The following EPC1 variants were observed in gnomAD, a reference collection of about 807,000 sequenced individuals.
The protein encoded by EPC1 is enhancer of polycomb homolog 1.
In EPC1, 12 loss-of-function variants were observed where a neutral mutation model predicts 98.4. That is an observed-to-expected ratio of 0.12 (90% CI 0.08 to 0.20). The LOEUF (loss-of-function observed/expected upper bound fraction) is 0.20, where lower values mean the gene tolerates loss of function less well. EPC1 is among the 10% of genes least tolerant of loss of function. EPC1 has a pLI of 1.00. For synonymous variants in EPC1, 357 were observed against 363.9 expected (o/e 0.98, Z 0.21); for missense variants, 729 against 990.5 (o/e 0.74, Z 3.54).
chr10:32,271,433 T>C (rs895239605), intron 13 of EPC1, 121 bp downstream of exon 13: 16 of 1,121,060 alleles, frequency 1.4e-5, no homozygotes, highest in South Asian at 9.2e-5. Context: ...TTCTCAACTA[T>C]ACATTTTCAA....
intron 3 of EPC1, 32 bp downstream of exon 3, chr10:32,293,560 T>G (rs1305115822): frequency 1.3e-6 from 2 of 1,597,256 alleles, no homozygotes; most frequent in Admixed American, 3.4e-5. Flanking sequence ...ATAGAATATG[T>G]ATATACTTGT....
rs773374163 is a variant in EPC1, at chr10:32,346,956, C to A, written c.-41G>T. On this transcript the variant is annotated 5_prime_UTR_variant, in exon 1 of 14. Coordinates refer to ENST00000319778, the MANE Select transcript of EPC1 (RefSeq NM_001272004.3). ...TACCTCTCCGCTCTGGGGAAACGGC[C>A]CCGGCCAGCGGGATCATGGAGAACC... 6.2e-7 allele frequency: 1 copy of A among 1,605,580 alleles called. No individual in the cohort carries two copies. Among genetic ancestry groups the A allele is most frequent in the Non-Finnish European group, 8.5e-7 (1 of 1,179,074 alleles).
intron 2 of EPC1, among the ~76,000 whole-genome samples, chr10:32,301,592 T>C (rs1239843230): frequency 3.9e-5 from 6 of 152,286 alleles, no homozygotes; most frequent in Admixed American, 2.6e-4. Flanking sequence ...CAGAAATCAA[T>C]TGAATAGAAT....
intron 1 of EPC1, among the ~76,000 whole-genome samples, chr10:32,335,767 C>A (rs547154401): frequency 6.6e-6 from 1 of 152,290 alleles, no homozygotes; most frequent in South Asian, 2.1e-4. Context: ...CTCGCCCACG[C>A]TGATCTTTTC....
intron 1 of EPC1, among the ~76,000 whole-genome samples, chr10:32,360,830 G>T (rs956912322): frequency 6.6e-6 from 1 of 151,264 alleles, no homozygotes; most frequent in South Asian, 2.1e-4. Context: ...GGAGGCGAAG[G>T]TTGCAGTGAG....
At chr10:32,295,143 T>C (rs1297942731) in intron 2 of EPC1, among the ~76,000 whole-genome samples, 1 of 152,168 alleles carries the variant, frequency 6.6e-6, no homozygotes, top group Non-Finnish European at 1.5e-5. Context: ...TATTAGAATG[T>C]GTGTGATCTC....
chr10:32,293,497 G>T, intron 3 of EPC1, 95 bp downstream of exon 3: 1 of 1,181,174 alleles, frequency 8.5e-7, no homozygotes, highest in Non-Finnish European at 1.2e-6. Context: ...AAGCCTGACT[G>T]ATTACCCCCA....
intron 1 of EPC1, among the ~76,000 whole-genome samples, chr10:32,343,826 T>C (rs1231168144): frequency 6.6e-6 from 1 of 152,216 alleles, no homozygotes; most frequent in African/African-American, 2.4e-5. Flanking sequence ...TTTCCCAATG[T>C]TAAAAGACCT....
chr10:32,328,840 G>A (rs926537317), intron 1 of EPC1, among the ~76,000 whole-genome samples: 6 of 152,158 alleles, frequency 3.9e-5, no homozygotes, highest in South Asian at 2.1e-4. Flanking sequence ...TTATTTCAAC[G>A]TATATTGGGT....
intron 10 of EPC1, chr10:32,282,044 G>A (rs1470521622): frequency 6.6e-6 from 1 of 151,882 alleles, no homozygotes; most frequent in Non-Finnish European, 1.5e-5. Context: ...TGGCTGCATT[G>A]TAATATACTT....
intron 1 of EPC1, chr10:32,374,345 A>G (rs1215836986): frequency 6.6e-6 from 1 of 152,164 alleles, no homozygotes; most frequent in Non-Finnish European, 1.5e-5. Context: ...CCGTGAACAA[A>G]ATGTGCAAAA....
chr10:32,316,085 CCCTCA>C (rs1169672464), intron 1 of EPC1, among the ~76,000 whole-genome samples: 1 of 152,154 alleles, frequency 6.6e-6, no homozygotes, highest in Non-Finnish European at 1.5e-5. Context: ...TCAGCCTGCT[CCCTCA>C]CCTCAAGTTT....
At chr10:32,316,855 C>T (rs138494769) in intron 1 of EPC1, among the ~76,000 whole-genome samples, 9 of 152,228 alleles carry the variant, frequency 5.9e-5, no homozygotes, top group African/African-American at 2.2e-4. Context: ...GAATGATATG[C>T]ATACTGAAGT....
At position 32,286,748 on chromosome 10, in the gene EPC1, G is replaced by T. The variant is rs1451878024; in HGVS notation, c.1337C>A (p.Thr446Asn). The change falls in exon 9 of 14, where the codon ACC (threonine) becomes AAC (asparagine). Residue 446 changes from threonine (T) to asparagine (N), a missense_variant. Around this residue, in one of 6 missense-constraint regions of EPC1, gnomAD observed 390 missense variants for 438.6 expected, o/e 0.89. Transcript: ENST00000319778. The stretch of plus-strand genomic sequence containing the variant: ...AAATCCAATACACCTTTGGGGTACG[G>T]TGAGAGTAGTTAAGCAGTATCTATA... Reference protein sequence around the residue: ...VRYRYCLTTLTVPQRCIGFAR... With the variant: ...VRYRYCLTTLNVPQRCIGFAR... 10 of 1,613,950 alleles carry T rather than the reference G, an allele frequency of 6.2e-6. No individual in the cohort carries two copies. Among genetic ancestry groups the T allele is most frequent in the African/African-American group, 1.3e-5 (1 of 74,888 alleles).
intron 1 of EPC1, among the ~76,000 whole-genome samples, chr10:32,316,640 C>T (rs1836566365): frequency 6.6e-6 from 1 of 152,030 alleles, no homozygotes; most frequent in African/African-American, 2.4e-5. Flanking sequence ...ACAGTAGTTC[C>T]CTCTGGGAAG....
At chr10:32,295,955 T>G (rs1421427100) in intron 2 of EPC1, among the ~76,000 whole-genome samples, 1 of 151,282 alleles carries the variant, frequency 6.6e-6, no homozygotes, top group East Asian at 1.9e-4. Flanking sequence ...ACAGAGTCTC[T>G]CTCTGTCACC....
intron 1 of EPC1, among the ~76,000 whole-genome samples, chr10:32,325,841 C>G (rs1402155672): frequency 6.6e-6 from 1 of 151,746 alleles, no homozygotes; most frequent in African/African-American, 2.4e-5. Context: ...TAAATGGTAG[C>G]AGAGGACTGG....
At position 32,293,149 on chromosome 10, in the gene EPC1, C is replaced by G; in HGVS notation, c.505G>C (p.Glu169Gln). ...TATTCATAAACTTCTCTAATTAGTT[C>G]ATCATCTTCTTTTAGCAGTAGTTTG... ...EAKLLLKEDD[E>Q]LIREVYEYWI... Residue 169 changes from glutamate (E) to glutamine (Q), a missense_variant, in exon 4 of 14, where the codon GAA (glutamate) becomes CAA (glutamine). Physicochemically the swap from Glu to Gln is conservative, Grantham distance 29. Transcript: ENST00000319778. 1 of 1,613,022 alleles carries G rather than the reference C, an allele frequency of 6.2e-7. No homozygotes were observed. Among genetic ancestry groups the G allele is most frequent in the African/African-American group, 1.3e-5 (1 of 75,000 alleles).
intron 3 of EPC1, 66 bp from the exon 4 acceptor site, chr10:32,293,260 T>C (rs1834955380): frequency 3.2e-6 from 4 of 1,233,360 alleles, no homozygotes; most frequent in Non-Finnish European, 4.6e-6. Context: ...TATTTACTTC[T>C]AAATTTAAAG....
Sources: allele counts gnomAD v4.1 joint callset (sites outside exome capture counted in the v4.1 genomes callset), GRCh38; gene constraint gnomAD v4.1.1; regional missense constraint gnomAD v4.1.1; transcripts MANE v1.5; gene names NCBI Gene and HGNC (gene_info 2026-07-23, HGNC 2026-07-21).